Variants in CADPS observed in about 807,000 individuals in gnomAD.
The protein encoded by CADPS is calcium dependent secretion activator, also known as calcium-dependent secretion activator 1.
CADPS carries 57 observed loss-of-function variants against 167.3 expected under a neutral mutation model. That is an observed-to-expected ratio of 0.34 (90% confidence interval 0.28 to 0.42). The LOEUF (loss-of-function observed/expected upper bound fraction) is 0.42. Among genes scored for constraint, CADPS ranks in the 20% least tolerant of loss-of-function variants. The pLI, the probability that CADPS is intolerant of heterozygous loss-of-function variation, is 1.00. For missense variants in CADPS, 1,414 were observed against 1,738.1 expected (o/e 0.81, Z 3.32); for synonymous variants, 676 against 635.3 (o/e 1.06, Z -0.96).
At chr3:62,785,335 G>A (rs2092314529) in intron 1 of CADPS, among the ~76,000 whole-genome samples, 13 of 152,136 alleles carry the variant, frequency 8.5e-5, no homozygotes, top group Admixed American at 8.5e-4. Flanking sequence ...CCATGATCAT[G>A]TTTCATCTCA....
intron 2 of CADPS, among the ~76,000 whole-genome samples, chr3:62,757,243 C>T (rs1050344660): frequency 5.3e-5 from 8 of 152,132 alleles, no homozygotes; most frequent in East Asian, 3.9e-4. Flanking sequence ...CCCACAAACC[C>T]GAAATGGGCC....
At chr3:62,565,360 A>T (rs1278959961) in intron 9 of CADPS, among the ~76,000 whole-genome samples, 2 of 152,188 alleles carry the variant, frequency 1.3e-5, no homozygotes, top group Non-Finnish European at 2.9e-5. Flanking sequence ...TTCCATAGAG[A>T]ACATAAACTC....
At chr3:62,484,351 A>AT (rs1309474032) in intron 21 of CADPS, among the ~76,000 whole-genome samples, 4 of 152,308 alleles carry the variant, frequency 2.6e-5, no homozygotes, top group South Asian at 4.1e-4. Context: ...AAAAGGGGGA[A>AT]TTTTTAAGTA....
intron 8 of CADPS, among the ~76,000 whole-genome samples, chr3:62,575,841 G>GT (rs1363359366): frequency 6.6e-6 from 1 of 152,168 alleles, no homozygotes; most frequent in Non-Finnish European, 1.5e-5. Flanking sequence ...CAGAGAAAAA[G>GT]TAACAATTTT....
chr3:62,410,937 T>C (rs2048841164), intron 28 of CADPS, among the ~76,000 whole-genome samples: 1 of 152,126 alleles, frequency 6.6e-6, no homozygotes, highest in Non-Finnish European at 1.5e-5. Context: ...AGACACCGTC[T>C]CTACAAAAAA....
At chr3:62,627,342 A>G (rs2064283601) in intron 6 of CADPS, among the ~76,000 whole-genome samples, 1 of 152,178 alleles carries the variant, frequency 6.6e-6, no homozygotes. Context: ...CTTTAGTTTT[A>G]CCCAGCTTTG....
chr3:62,861,575 C>T (rs940345794), intron 1 of CADPS, among the ~76,000 whole-genome samples: 1 of 152,148 alleles, frequency 6.6e-6, no homozygotes, highest in African/African-American at 2.4e-5. Flanking sequence ...AATTCATGAC[C>T]TTTTCTCACA....
At chr3:62,745,185 T>C (rs932595333) in intron 3 of CADPS, among the ~76,000 whole-genome samples, 2 of 152,096 alleles carry the variant, frequency 1.3e-5, no homozygotes, top group African/African-American at 4.8e-5. Flanking sequence ...CAGGCTCAAG[T>C]AATCCTCCCA....
chr3:62,499,439 T>G (rs1370665288), intron 17 of CADPS, 171 bp from the exon 18 acceptor site: 3 of 494,854 alleles, frequency 6.1e-6, no homozygotes, highest in Admixed American at 3.2e-5. Flanking sequence ...GCCATTTTAT[T>G]ATTATCACCA....
chr3:62,555,666 T>A (rs753490024), intron 10 of CADPS, among the ~76,000 whole-genome samples: 5 of 152,218 alleles, frequency 3.3e-5, no homozygotes, highest in Non-Finnish European at 7.3e-5. Flanking sequence ...GCAATTATTG[T>A]CATAAGGTGG....
At chr3:62,773,179 A>C (rs2089373178) in intron 1 of CADPS, among the ~76,000 whole-genome samples, 1 of 152,040 alleles carries the variant, frequency 6.6e-6, no homozygotes, top group South Asian at 2.1e-4. Context: ...GAATTTTATT[A>C]ATAAATAAAA....
At chr3:62,873,577 C>G (rs1251820036) in intron 1 of CADPS, among the ~76,000 whole-genome samples, 1 of 150,940 alleles carries the variant, frequency 6.6e-6, no homozygotes, top group African/African-American at 2.4e-5. Flanking sequence ...TACCCCTCAT[C>G]CCTTTCTCCA....
rs570665219 is a variant in CADPS at position 62,645,863 on chromosome 3, T to C, written c.1204-20A>G. 33 of 1,613,680 alleles carry C rather than the reference T, an allele frequency of 2.0e-5. No homozygotes were observed. The South Asian group carries it at 2.4e-4, about 12-fold the overall frequency. ...TACCACCTGAAAAGAGAATTCCACA[T>C]AATGGAGGTTATTGGCAAGGCCCCT... On this transcript the variant is annotated intron_variant, in intron 5 of 29. Transcript: ENST00000383710.
chr3:62,708,784 C>T (rs2082802328), intron 3 of CADPS, among the ~76,000 whole-genome samples: 1 of 152,024 alleles, frequency 6.6e-6, no homozygotes, highest in Non-Finnish European at 1.5e-5. Flanking sequence ...AAGCCAAATG[C>T]TGAGCAGCTG....
chr3:62,643,456 T>C (rs938643009), intron 6 of CADPS, among the ~76,000 whole-genome samples: 3 of 152,226 alleles, frequency 2.0e-5, no homozygotes, highest in Non-Finnish European at 4.4e-5. Flanking sequence ...AATGTTTCAA[T>C]GTGAGCTGTT....
rs2076168876 is a variant in CADPS, at chr3:62,544,526, G to A, written c.1966+5377C>T. ...GTAGCTGTGAATTACATGAAACAAA[G>A]GCATTATTTGCCATTTTGTTGTGAT... On this transcript the variant is annotated intron_variant, in intron 11 of 29. Coordinates refer to ENST00000383710, the MANE Select transcript of CADPS (RefSeq NM_003716.4). This position sits in a 1 kb window ranked among gnomAD's most constrained non-coding sequence, Gnocchi z 4.4. 6.6e-6 allele frequency among the ~76,000 whole-genome samples: 1 copy of A among 151,932 alleles called. No homozygotes were observed. The highest frequency in any genetic ancestry group is 1.5e-5 in the Non-Finnish European group (1 of 67,984).
At chr3:62,587,522 G>C (rs545539714) in intron 7 of CADPS, among the ~76,000 whole-genome samples, 5 of 152,320 alleles carry the variant, frequency 3.3e-5, no homozygotes, top group African/African-American at 1.2e-4. Flanking sequence ...AAGCCAGAAA[G>C]GGAGGTGCTG....
chr3:62,776,845 GA>G (rs1332595651), intron 1 of CADPS, among the ~76,000 whole-genome samples: 22 of 152,116 alleles, frequency 1.4e-4, no homozygotes, highest in Non-Finnish European at 2.6e-4. Context: ...GCCGTAGGGA[GA>G]AAAGGCGAGA....
intron 3 of CADPS, among the ~76,000 whole-genome samples, chr3:62,720,543 T>C: frequency 6.6e-6 from 1 of 152,136 alleles, no homozygotes. Flanking sequence ...CTTGTTATGT[T>C]GTCCAGTCTG....
Sources: gnomAD v4.1 joint callset for allele counts (sites outside exome capture counted in the v4.1 genomes callset) on GRCh38, gnomAD v4.1.1 for gene constraint, Gnocchi (gnomAD v3.1) non-coding constraint, MANE v1.5 for transcripts, NCBI Gene and HGNC (gene_info 2026-07-23, HGNC 2026-07-21) for gene names.